EPS15: variants seen among roughly 807,000 people sequenced by gnomAD.
The protein encoded by EPS15 is epidermal growth factor receptor pathway substrate 15.
Under a neutral mutation model 113.8 loss-of-function variants are expected in EPS15, and 72 were observed. The ratio of observed to expected loss-of-function variants is 0.63; its 90% CI spans 0.52 to 0.77. The LOEUF is 0.77. Among genes scored for constraint, EPS15 ranks in the 30% least tolerant of loss-of-function variants. EPS15 has a pLI of 0.00. For missense variants in EPS15, 1,048 were observed against 1,045.8 expected (o/e 1.00, Z -0.03); for synonymous variants, 344 against 363.4 (o/e 0.95, Z 0.61).
intron 21 of EPS15, among the ~76,000 whole-genome samples, chr1:51,367,414 G>A (rs185078500): frequency 1.3e-5 from 2 of 152,162 alleles, no homozygotes; most frequent in Non-Finnish European, 2.9e-5. Flanking sequence ...TTAGCTGGGC[G>A]TGGTGGTGCG....
chr1:51,449,059 T>C (rs1653310917), intron 8 of EPS15, among the ~76,000 whole-genome samples: 1 of 152,166 alleles, frequency 6.6e-6, no homozygotes, highest in Non-Finnish European at 1.5e-5. Context: ...CAAAGCAGAA[T>C]TATCAATGAC....
intron 1 of EPS15, among the ~76,000 whole-genome samples, chr1:51,488,713 A>G (rs1039932472): frequency 2.0e-5 from 3 of 152,098 alleles, no homozygotes; most frequent in African/African-American, 7.3e-5. Flanking sequence ...CTGGAATTAT[A>G]GGCATGAGCC....
chr1:51,372,701 T>A, intron 21 of EPS15: 2 of 405,560 alleles, frequency 4.9e-6, no homozygotes, highest in South Asian at 3.9e-5. Context: ...ATGATGATGG[T>A]GCTCCAACCT....
intron 19 of EPS15, 56 bp from the exon 20 acceptor site, chr1:51,399,221 C>T: frequency 6.4e-7 from 1 of 1,550,930 alleles, no homozygotes; most frequent in South Asian, 1.1e-5. Flanking sequence ...CACTAAATTT[C>T]CCATCACTTG....
intron 1 of EPS15, among the ~76,000 whole-genome samples, chr1:51,517,692 T>G (rs965041095): frequency 6.6e-6 from 1 of 152,112 alleles, no homozygotes; most frequent in African/African-American, 2.4e-5. Context: ...CTTCCAAACA[T>G]ACATAACCAA....
At chr1:51,508,234 AAAAG>A (rs1463526097) in intron 1 of EPS15, among the ~76,000 whole-genome samples, 42 of 95,066 alleles carry the variant, frequency 4.4e-4, no homozygotes, top group African/African-American at 1.5e-3. Flanking sequence ...AAAAGAAAAG[AAAAG>A]AAAGAGAGAA....
chr1:51,376,168 T>G (rs536013972), intron 21 of EPS15, among the ~76,000 whole-genome samples: 1 of 152,246 alleles, frequency 6.6e-6, no homozygotes, highest in Non-Finnish European at 1.5e-5. Flanking sequence ...ATGGGGCTAA[T>G]GCAGCTGTGG....
chr1:51,437,308 T>C (rs1377366969), intron 12 of EPS15, among the ~76,000 whole-genome samples: 1 of 152,126 alleles, frequency 6.6e-6, no homozygotes, highest in Non-Finnish European at 1.5e-5. Context: ...AATATGATTC[T>C]AAGAAATATA....
At chr1:51,417,603 A>G (rs1192160619) in intron 13 of EPS15, among the ~76,000 whole-genome samples, 1 of 152,266 alleles carries the variant, frequency 6.6e-6, no homozygotes, top group East Asian at 1.9e-4. Flanking sequence ...CATGCCATAT[A>G]TAAGTGGATA....
At chr1:51,420,825 CCAGA>C (rs1220523868) in intron 13 of EPS15, among the ~76,000 whole-genome samples, 2 of 152,130 alleles carry the variant, frequency 1.3e-5, no homozygotes, top group African/African-American at 2.4e-5. Flanking sequence ...GCACAGTCCA[CCAGA>C]CAGACAATCT....
At chr1:51,491,859 A>ATTT (rs1007233147) in intron 1 of EPS15, among the ~76,000 whole-genome samples, 5,772 of 129,664 alleles carry the variant, frequency 0.045, 486 homozygotes, top group African/African-American at 0.16. Flanking sequence ...AACTCATTTA[A>ATTT]TTTTTTTTTT....
rs567820431 is a variant in EPS15, at chr1:51,465,657, C to T, written c.310-331G>A. On this transcript the variant is annotated intron_variant, in intron 5 of 24. Transcript: ENST00000371733. ...CAAGCGATTCTCCTGCCTCAGCCTC[C>T]GAGTAGCTGGGATTACAGGAATGCA... 7.9e-5 allele frequency among the ~76,000 whole-genome samples: 12 copies of T among 152,050 alleles called. No individual in the cohort carries two copies. The South Asian group carries it at 1.5e-3, about 18-fold the overall frequency.
rs377313996 is a variant in EPS15 at position 51,421,870 on chromosome 1, G to A, written c.1041-12C>T. On this transcript the variant is annotated splice_polypyrimidine_tract_variant and intron_variant, in intron 12 of 24. Transcript: ENST00000371733. ...CATTATTCTTTTCCCTAGAAGACCA[G>A]CAAACAATGCAAGAATATTTTAGAA... 4.3e-5 allele frequency: 69 copies of A among 1,611,030 alleles called. No homozygotes were observed. Among genetic ancestry groups the A allele is most frequent in the Non-Finnish European group, 5.7e-5 (67 of 1,178,222 alleles).
rs1291309312 is a variant in EPS15 at position 51,440,393 on chromosome 1, T to C, written c.994A>G (p.Ile332Val). 3 of 1,593,602 alleles carry C rather than the reference T, an allele frequency of 1.9e-6. No homozygotes were observed. The highest frequency in any genetic ancestry group is 1.7e-6 in the Non-Finnish European group (2 of 1,166,508). The change falls in exon 12 of 25, where the codon ATT (isoleucine) becomes GTT (valine). Residue 332 changes from isoleucine to valine, a missense_variant. Ile to Val is a conservative substitution (Grantham distance 29). Coordinates refer to ENST00000371733, the MANE Select transcript of EPS15 (RefSeq NM_001981.3). ...GSSPVADFSA[I>V]KELDTLNNEI... ...TTGTTAAGAGTATCTAGTTCCTTAA[T>C]AGCAGAGAAATCTGCAACAGGACTT...
Position 51,403,394 on chromosome 1 carries a change from A to T in EPS15, c.1791+25T>A, listed in dbSNP as rs199502461. The T allele has an allele frequency of 8.5e-6, 11 of 1,288,706 alleles. No homozygotes were observed. The African/African-American group carries it at 1.6e-4, about 19-fold the overall frequency. 79.8% of individuals were successfully genotyped at this position (1,288,706 alleles called of 1,614,324 possible). A position where few individuals can be genotyped will look rare whatever the true frequency, so the allele number is the denominator to read the frequency against. ...GTCCTTCCACCCTTACAAGTCCCCA[A>T]TGTAAATATAAAATCATTTTTTACC... On this transcript the variant is annotated intron_variant, in intron 17 of 24. Transcript: ENST00000371733.
chr1:51,502,548 G>T (rs906071591), intron 1 of EPS15, among the ~76,000 whole-genome samples: 2 of 152,088 alleles, frequency 1.3e-5, no homozygotes, highest in Admixed American at 1.3e-4. Context: ...AAGTAAATCT[G>T]TATTTGCAGA....
chr1:51,405,121 T>C (rs1279090474), intron 16 of EPS15, among the ~76,000 whole-genome samples: 1 of 152,170 alleles, frequency 6.6e-6, no homozygotes, highest in Non-Finnish European at 1.5e-5. Flanking sequence ...CCCTCCAAAC[T>C]GTCCTAACTG....
intron 5 of EPS15, among the ~76,000 whole-genome samples, chr1:51,465,962 T>C (rs1290273512): frequency 6.6e-6 from 1 of 150,694 alleles, no homozygotes; most frequent in Non-Finnish European, 1.5e-5. Flanking sequence ...ATCGCAGCAC[T>C]GTATTCCAAC....
chr1:51,435,391 G>A (rs575814605), intron 12 of EPS15, among the ~76,000 whole-genome samples: 1 of 151,728 alleles, frequency 6.6e-6, no homozygotes, highest in African/African-American at 2.4e-5. Flanking sequence ...ATGAGGTTTC[G>A]CCATGTTGGC....
Sources: gnomAD v4.1 joint callset for allele counts (sites outside exome capture counted in the v4.1 genomes callset) on GRCh38, gnomAD v4.1.1 for gene constraint, MANE v1.5 for transcripts, NCBI Gene and HGNC (gene_info 2026-07-23, HGNC 2026-07-21) for gene names.